The following SMYD3 variants were observed in gnomAD, a reference collection of about 807,000 sequenced individuals.
The protein encoded by SMYD3 is SET and MYND domain containing 3, also known as histone-lysine N-methyltransferase SMYD3.
Under a neutral mutation model 57.7 loss-of-function variants are expected in SMYD3, and 36 were observed. The ratio of observed to expected loss-of-function variants is 0.62; its 90% CI spans 0.48 to 0.82. The LOEUF (loss-of-function observed/expected upper bound fraction) is 0.82. Among genes scored for constraint, SMYD3 ranks in the 40% least tolerant of loss-of-function variants. The pLI is 0.00. For missense variants in SMYD3, 515 were observed against 538.8 expected, an observed-to-expected ratio of 0.96 and a Z score of 0.44; for synonymous variants, 211 against 195.0, an observed-to-expected ratio of 1.08 and a Z score of -0.68.
intron 10 of SMYD3, among the ~76,000 whole-genome samples, chr1:245,842,717 C>CA (rs1553339226): frequency 6.6e-6 from 1 of 151,902 alleles, no homozygotes; most frequent in Admixed American, 6.6e-5. Context: ...TTTTATTTTA[C>CA]TTTTTTTTAG....
At chr1:246,471,815 T>G (rs2067964831) in intron 1 of SMYD3, among the ~76,000 whole-genome samples, 1 of 152,214 alleles carries the variant, frequency 6.6e-6, no homozygotes, top group South Asian at 2.1e-4. Flanking sequence ...AAAGACTACT[T>G]CTTAAGTTAA....
chr1:246,280,478 C>T (rs565429604), intron 5 of SMYD3, among the ~76,000 whole-genome samples: 9 of 152,260 alleles, frequency 5.9e-5, no homozygotes, highest in Admixed American at 2.6e-4. Context: ...CCATCATCTA[C>T]TTAAAAATCT....
At chr1:246,363,269 G>A in intron 1 of SMYD3, among the ~76,000 whole-genome samples, 1 of 151,346 alleles carries the variant, frequency 6.6e-6, no homozygotes, top group Non-Finnish European at 1.5e-5. Context: ...GCCCCCGCCA[G>A]GCCAGCCGCC....
chr1:246,429,468 G>A (rs977689242), intron 1 of SMYD3, among the ~76,000 whole-genome samples: 20 of 152,234 alleles, frequency 1.3e-4, no homozygotes, highest in African/African-American at 4.3e-4. Context: ...AGGAGGAAAC[G>A]TCCATCTTAC....
intron 5 of SMYD3, among the ~76,000 whole-genome samples, chr1:246,003,380 C>T (rs1286747870): frequency 1.3e-5 from 2 of 152,198 alleles, no homozygotes; most frequent in Admixed American, 1.3e-4. Context: ...TCTTTTAGGA[C>T]TAATTCCGTC....
intron 9 of SMYD3, among the ~76,000 whole-genome samples, chr1:245,861,885 T>C (rs1553342997): frequency 7.0e-6 from 1 of 143,556 alleles, no homozygotes; most frequent in Non-Finnish European, 1.6e-5. Context: ...CTAACTTCTG[T>C]CTGAACCATC....
At chr1:246,062,498 T>C (rs1419218272) in intron 5 of SMYD3, among the ~76,000 whole-genome samples, 4 of 152,214 alleles carry the variant, frequency 2.6e-5, no homozygotes, top group African/African-American at 9.6e-5. Flanking sequence ...ATGAACCTAA[T>C]ATGTGGTGTG....
chr1:246,127,730 T>C (rs534069353), intron 5 of SMYD3, among the ~76,000 whole-genome samples: 1 of 152,042 alleles, frequency 6.6e-6, no homozygotes, highest in Admixed American at 6.5e-5. Flanking sequence ...ACCCCATCTC[T>C]ACTAAAAATA....
chr1:245,775,276 G>C (rs571558042), intron 10 of SMYD3, among the ~76,000 whole-genome samples: 3 of 146,956 alleles, frequency 2.0e-5, no homozygotes, highest in African/African-American at 5.5e-5. Context: ...CGAGTGGAAG[G>C]GGGGAAGTGT....
intron 10 of SMYD3, among the ~76,000 whole-genome samples, chr1:245,818,721 CA>C (rs905179407): frequency 2.7e-5 from 4 of 150,498 alleles, no homozygotes; most frequent in East Asian, 1.9e-4. Context: ...AAATGGAAAA[CA>C]AAAAAAAGGC....
intron 1 of SMYD3, among the ~76,000 whole-genome samples, chr1:246,437,150 C>T (rs1452733003): frequency 2.0e-5 from 3 of 152,182 alleles, no homozygotes; most frequent in Non-Finnish European, 2.9e-5. Flanking sequence ...CCACTCACCT[C>T]AGCCTCCCAC....
chr1:245,931,470 A>G, intron 5 of SMYD3, among the ~76,000 whole-genome samples: 1 of 152,200 alleles, frequency 6.6e-6, no homozygotes, highest in East Asian at 1.9e-4. Context: ...ATTTAACAGG[A>G]ACAAATTTGG....
At chr1:246,007,809 C>G (rs1170599389) in intron 5 of SMYD3, among the ~76,000 whole-genome samples, 1 of 144,886 alleles carries the variant, frequency 6.9e-6, no homozygotes, top group Non-Finnish European at 1.5e-5. Flanking sequence ...AGAGCCAGAC[C>G]CTGACCAAAA....
rs75542013 is a variant in SMYD3 at position 245,786,865 on chromosome 1, T to C, written c.1077-22716A>G. ...CATTTAAGACACCATTTGTGGAAAA[T>C]ATTTATTATGGTCTTCCATTTTCTC... is the stretch of plus-strand genomic sequence containing the variant. On this transcript the variant is annotated intron_variant, in intron 10 of 11. Coordinates refer to ENST00000490107, the MANE Select transcript of SMYD3 (RefSeq NM_001167740.2). Among the ~76,000 whole-genome samples the C allele has an allele frequency of 2.0e-3, 306 of 152,286 alleles. 1 individual carries two copies. The highest frequency in any genetic ancestry group is 0.017 in the Middle Eastern group (5 of 294).
At chr1:245,820,224 T>C (rs1451629167) in intron 10 of SMYD3, among the ~76,000 whole-genome samples, 5 of 150,830 alleles carry the variant, frequency 3.3e-5, no homozygotes, top group African/African-American at 7.2e-5. Flanking sequence ...ATCCCTGGGA[T>C]GCAAGGCTGG....
intron 1 of SMYD3, among the ~76,000 whole-genome samples, chr1:246,397,972 C>T (rs1031550539): frequency 5.0e-5 from 7 of 141,034 alleles, no homozygotes; most frequent in African/African-American, 1.5e-4. Flanking sequence ...GAAAGAACAA[C>T]AACAACAACA....
At chr1:245,785,712 A>G (rs867762821) in intron 10 of SMYD3, among the ~76,000 whole-genome samples, 53 of 152,176 alleles carry the variant, frequency 3.5e-4, no homozygotes, top group African/African-American at 1.0e-3. Context: ...AGAGAGCGAG[A>G]GACAGGCAGA....
chr1:245,789,328 C>T lies in SMYD3; in HGVS notation c.1077-25179G>A, dbSNP rs1356160022. 3.9e-5 allele frequency among the ~76,000 whole-genome samples: 6 copies of T among 152,162 alleles called. No individual in the cohort carries two copies. The East Asian group carries it at 9.6e-4, about 24-fold the overall frequency. On this transcript the variant is annotated intron_variant, in intron 10 of 11. Transcript: ENST00000490107. Reference sequence around the variant, plus strand: ...CACAGAGGAACAGGGCCCTTTCTAACCAAGCTAGCAGGGACAGGAATGGCA... The same window carrying T: ...CACAGAGGAACAGGGCCCTTTCTAATCAAGCTAGCAGGGACAGGAATGGCA...
At chr1:245,813,002 CTTCTTTTTTTTTT>C (rs2048568164) in intron 10 of SMYD3, among the ~76,000 whole-genome samples, 1 of 121,382 alleles carries the variant, frequency 8.2e-6, no homozygotes, top group Non-Finnish European at 1.7e-5. Flanking sequence ...CATGAGACAG[CTTCTTTTTTTTTT>C]TTTTTTTTTT....
Sources: allele counts gnomAD v4.1 joint callset (sites outside exome capture counted in the v4.1 genomes callset), GRCh38; gene constraint gnomAD v4.1.1; transcripts MANE v1.5; gene names NCBI Gene and HGNC (gene_info 2026-07-23, HGNC 2026-07-21).